SGK2: variants seen among roughly 807,000 people sequenced by gnomAD.
The protein encoded by SGK2 is serum/glucocorticoid regulated kinase 2.
In SGK2, 36 loss-of-function variants were observed where a neutral mutation model predicts 47.5. The observed-to-expected ratio is 0.76, with a 90% CI of 0.58 to 1.00. The LOEUF is 1.00. SGK2 is among the 50% of genes least tolerant of loss of function. The pLI, the probability that SGK2 is intolerant of heterozygous loss-of-function variation, is 0.00. For synonymous variants in SGK2, 157 were observed against 181.9 expected (o/e 0.86, Z 1.10); for missense variants, 404 against 467.4 (o/e 0.86, Z 1.25).
In SGK2 at chr20:43,574,944, T is replaced by C. The variant is rs547638706; in HGVS notation, c.633T>C (p.Tyr211=). 1.9e-6 allele frequency: 3 copies of C among 1,613,802 alleles called. No homozygotes were observed. Among genetic ancestry groups the C allele is most frequent in the Non-Finnish European group, 2.5e-6 (3 of 1,179,768 alleles). Residue 211 remains tyrosine, a synonymous_variant, in exon 10 of 13, where the codon TAT becomes TAC. Coordinates refer to ENST00000373100, the MANE Select transcript of SGK2 (RefSeq NM_170693.3). ...LAPEVLRKEP[Y]DRAVDWWCLG... ...CTGAAGTGCTTCGGAAAGAGCCTTATGATCGAGCAGTGGACTGGTGGTGCT... is the reference window on the plus strand; with the variant it reads ...CTGAAGTGCTTCGGAAAGAGCCTTACGATCGAGCAGTGGACTGGTGGTGCT...
intron 1 of SGK2, among the ~76,000 whole-genome samples, chr20:43,560,072 G>C (rs570364925): frequency 1.5e-3 from 227 of 152,238 alleles, no homozygotes; most frequent in Non-Finnish European, 2.5e-3. Flanking sequence ...TAGGCATGGG[G>C]GTCACAGTCA....
chr20:43,567,094 C>T lies in SGK2; in HGVS notation c.63C>T (p.Asn21=). The change falls in exon 3 of 13, where the codon AAC becomes AAT. Residue 21 remains asparagine (N), a synonymous_variant. Coordinates refer to ENST00000373100, the MANE Select transcript of SGK2 (RefSeq NM_170693.3). The stretch of plus-strand genomic sequence containing the variant: ...CCTCCAGGGCCAATGGGAACATCAA[C>T]CTGGGGCCTTCAGCCAACCCAAAGT... ...PQPSRANGNI[N]LGPSANPNAQ... 1 of 1,614,182 alleles carries T rather than the reference C, an allele frequency of 6.2e-7. No homozygotes were observed.
intron 9 of SGK2, among the ~76,000 whole-genome samples, chr20:43,573,503 A>AC (rs1159082091): frequency 1.7e-4 from 26 of 151,640 alleles, no homozygotes; most frequent in Non-Finnish European, 1.8e-4. Context: ...AAAAAAAAAA[A>AC]AAAAAACTTT....
chr20:43,576,459 CG>C, intron 11 of SGK2, 80 bp downstream of exon 11: 1 of 1,245,486 alleles, frequency 8.0e-7, no homozygotes, highest in Non-Finnish European at 1.1e-6. Context: ...CACATTAACA[CG>C]CATCCTGCTG....
intron 10 of SGK2, 71 bp downstream of exon 10, chr20:43,575,075 A>G: frequency 9.9e-7 from 1 of 1,012,440 alleles, no homozygotes; most frequent in East Asian, 2.5e-5. Flanking sequence ...TGGTCTACAC[A>G]AGCTCTGTCC....
chr20:43,569,948 C>G (rs111573147), intron 6 of SGK2, among the ~76,000 whole-genome samples: 1 of 152,308 alleles, frequency 6.6e-6, no homozygotes, highest in African/African-American at 2.4e-5. Flanking sequence ...AAGCAGAGCT[C>G]CCTCCTGGGC....
intron 1 of SGK2, among the ~76,000 whole-genome samples, chr20:43,560,459 AC>A (rs1330928912): frequency 6.6e-6 from 1 of 151,054 alleles, no homozygotes; most frequent in Non-Finnish European, 1.5e-5. Context: ...AGATTGCGCC[AC>A]TGCACTCCAG....
intron 9 of SGK2, among the ~76,000 whole-genome samples, chr20:43,574,092 G>A (rs576012843): frequency 3.9e-5 from 6 of 152,160 alleles, no homozygotes; most frequent in Non-Finnish European, 5.9e-5. Flanking sequence ...GGTCTGAGAG[G>A]TTAAATGCCC....
chr20:43,564,788 A>G (rs576638223), intron 1 of SGK2: 84 of 152,774 alleles, frequency 5.5e-4, no homozygotes, highest in Non-Finnish European at 8.8e-5. Flanking sequence ...ATGCACAGAC[A>G]TATGCTGATG....
At position 43,571,059 on chromosome 20, in the gene SGK2, A is replaced by G. The variant is rs868779424; in HGVS notation, c.509A>G (p.Gln170Arg). The G allele has an allele frequency of 6.4e-7, 1 of 1,559,848 alleles. No homozygotes were observed. ...LKPENILLDC[Q>R]GHVVLTDFGL... ...CCAGAGAACATTCTCTTGGACTGCC[A>G]GGTTGGTGTGTGTGTGTGTGTGTGT... Residue 170 changes from glutamine to arginine, a missense_variant and splice_region_variant, in exon 8 of 13, where the codon CAG becomes CGG. Physicochemically the swap from Gln to Arg is conservative, Grantham distance 43. Transcript: ENST00000373100.
chr20:43,575,464 CAA>C (rs11471675), intron 10 of SGK2, among the ~76,000 whole-genome samples: 3 of 116,746 alleles, frequency 2.6e-5, no homozygotes, highest in Admixed American at 9.5e-5. Context: ...GACTCTGTCT[CAA>C]AAAAAAAAAA....
At chr20:43,560,789 AT>A (rs1460442452) in intron 1 of SGK2, among the ~76,000 whole-genome samples, 2 of 152,144 alleles carry the variant, frequency 1.3e-5, no homozygotes, top group African/African-American at 2.4e-5. Context: ...TTATCAATTC[AT>A]TTATTGATTC....
In SGK2 at chr20:43,572,186, A is replaced by G; in HGVS notation, c.597+49A>G. ...GGGGAGGTCATGAGTGGGTGAGGCC[A>G]CAGCTCCTGATTAGAGCCAACAGGT... On this transcript the variant is annotated intron_variant, in intron 9 of 12. Coordinates refer to ENST00000373100, the MANE Select transcript of SGK2 (RefSeq NM_170693.3). This position sits in a 1 kb window ranked among gnomAD's most constrained non-coding sequence, Gnocchi z 4.2. 1 of 1,373,662 alleles carries G rather than the reference A, an allele frequency of 7.3e-7. No individual in the cohort carries two copies. Among genetic ancestry groups the G allele is most frequent in the Non-Finnish European group, 1.0e-6 (1 of 986,508 alleles). The allele number at this position is 1,373,662 out of a possible 1,614,324, so 85.1% of individuals were successfully genotyped here.
At chr20:43,574,741 C>T (rs1980361520) in intron 9 of SGK2, among the ~76,000 whole-genome samples, 168 bp from the exon 10 acceptor site, 1 of 152,216 alleles carries the variant, frequency 6.6e-6, no homozygotes, top group African/African-American at 2.4e-5. Context: ...AAGGGCCCTG[C>T]AGAAAGCAGG....
At chr20:43,573,894 A>C (rs1296778999) in intron 9 of SGK2, among the ~76,000 whole-genome samples, 1 of 152,174 alleles carries the variant, frequency 6.6e-6, no homozygotes, top group Non-Finnish European at 1.5e-5. Flanking sequence ...ACCCCAGCTC[A>C]TGTAGGAGAC....
In SGK2 at chr20:43,569,290, G is replaced by C. The variant is rs915697767; in HGVS notation, c.229-95G>C. On this transcript the variant is annotated intron_variant, in intron 5 of 12. Transcript: ENST00000373100. Reference sequence around the variant, plus strand: ...CAGGGGCATGAGAAAGTCCTGGGTAGGATGACCCCCACCCACAAGCTTATA... The same window carrying C: ...CAGGGGCATGAGAAAGTCCTGGGTACGATGACCCCCACCCACAAGCTTATA... The C allele has an allele frequency of 3.8e-5, 57 of 1,503,394 alleles. No homozygotes were observed. The Admixed American group carries it at 1.0e-3, about 27-fold the overall frequency. 93.1% of individuals were successfully genotyped at this position (1,503,394 alleles called of 1,614,324 possible).
chr20:43,561,249 C>G (rs975208494), intron 1 of SGK2, among the ~76,000 whole-genome samples: 2 of 152,058 alleles, frequency 1.3e-5, no homozygotes, highest in Non-Finnish European at 2.9e-5. Context: ...CCAGAGAGCA[C>G]TTAGTGTGTC....
At chr20:43,573,486 T>C (rs1157989767) in intron 9 of SGK2, among the ~76,000 whole-genome samples, 1 of 74,848 alleles carries the variant, frequency 1.3e-5, no homozygotes, top group Non-Finnish European at 2.6e-5. Context: ...CGAGACTCTG[T>C]CTCAAAAAAA....
chr20:43,562,070 G>T (rs1461264975), intron 1 of SGK2, among the ~76,000 whole-genome samples: 1 of 152,060 alleles, frequency 6.6e-6, no homozygotes, highest in Admixed American at 6.6e-5. Context: ...GAGCAGACTG[G>T]GGCAGAGTGG....
Sources: gnomAD v4.1 joint callset for allele counts (sites outside exome capture counted in the v4.1 genomes callset) on GRCh38, gnomAD v4.1.1 for gene constraint, Gnocchi (gnomAD v3.1) non-coding constraint, MANE v1.5 for transcripts, NCBI Gene and HGNC (gene_info 2026-07-23, HGNC 2026-07-21) for gene names.